Variants in ABCB1 observed in about 807,000 individuals in gnomAD.
ABCB1 encodes the protein ATP binding cassette subfamily B member 1, also known as ATP-dependent translocase ABCB1.
Under a neutral mutation model 142.0 loss-of-function variants are expected in ABCB1, and 69 were observed. The ratio of observed to expected loss-of-function variants is 0.49; its 90% CI spans 0.40 to 0.59. ABCB1 has a LOEUF of 0.59. Among genes scored for constraint, ABCB1 ranks in the 20% least tolerant of loss-of-function variants. ABCB1 has a pLI of 0.00. For synonymous variants in ABCB1, 532 were observed against 539.2 expected, an observed-to-expected ratio of 0.99 and a Z score of 0.18; for missense variants, 1,326 against 1,554.7, an observed-to-expected ratio of 0.85 and a Z score of 2.47.
chr7:87,693,982 C>T (rs1281658516), intron 1 of ABCB1: 1 of 1,611,144 alleles, frequency 6.2e-7, no homozygotes, highest in Non-Finnish European at 8.5e-7. Context: ...GTGATGTCTC[C>T]CGCCACTGAG....
At chr7:87,659,140 C>G (rs188446121) in intron 1 of ABCB1, 1 of 371,664 alleles carries the variant, frequency 2.7e-6, no homozygotes, top group Non-Finnish European at 5.2e-6. Context: ...CTAGCCTGGG[C>G]AATAGAATGA....
intron 1 of ABCB1, among the ~76,000 whole-genome samples, chr7:87,680,120 TG>T (rs1826782554): frequency 6.7e-6 from 1 of 150,308 alleles, no homozygotes; most frequent in African/African-American, 2.5e-5. Flanking sequence ...AGTGAGAACA[TG>T]CAGTGTTTGG....
At chr7:87,660,575 CTGTTT>C (rs1403809275) in intron 1 of ABCB1, among the ~76,000 whole-genome samples, 1 of 151,646 alleles carries the variant, frequency 6.6e-6, no homozygotes, top group Non-Finnish European at 1.5e-5. Context: ...AGAGATTTGT[CTGTTT>C]TATTAGTCTT....
intron 1 of ABCB1, among the ~76,000 whole-genome samples, chr7:87,685,695 A>G (rs1827390939): frequency 6.6e-6 from 1 of 152,172 alleles, no homozygotes; most frequent in African/African-American, 2.4e-5. Context: ...GGGGTTGACA[A>G]GCATCATGAT....
intron 4 of ABCB1, among the ~76,000 whole-genome samples, chr7:87,574,477 G>T (rs569939031): frequency 6.6e-6 from 1 of 152,238 alleles, no homozygotes; most frequent in South Asian, 2.1e-4. Context: ...CTTGGATTCT[G>T]GAATAATAGT....
intron 3 of ABCB1, among the ~76,000 whole-genome samples, chr7:87,588,689 A>G (rs1818862724): frequency 1.3e-5 from 2 of 152,222 alleles, no homozygotes; most frequent in African/African-American, 2.4e-5. Flanking sequence ...TCCTTTGGGT[A>G]TACACCCAGT....
intron 21 of ABCB1, among the ~76,000 whole-genome samples, chr7:87,523,010 G>A (rs1815589548): frequency 6.6e-6 from 1 of 152,080 alleles, no homozygotes; most frequent in South Asian, 2.1e-4. Flanking sequence ...AAAAATAGTG[G>A]TGAGATAAAC....
intron 1 of ABCB1, among the ~76,000 whole-genome samples, chr7:87,658,786 C>T (rs1165451519): frequency 1.3e-5 from 2 of 152,096 alleles, no homozygotes; most frequent in Non-Finnish European, 2.9e-5. Context: ...ATGAAGGAAA[C>T]ATTAAGACCT....
chr7:87,664,416 C>T (rs993237602), intron 1 of ABCB1, among the ~76,000 whole-genome samples: 1 of 152,062 alleles, frequency 6.6e-6, no homozygotes, highest in African/African-American at 2.4e-5. Flanking sequence ...GATCAATTCT[C>T]AAAGGAATAC....
intron 1 of ABCB1, among the ~76,000 whole-genome samples, chr7:87,676,735 A>G (rs1204941296): frequency 1.3e-5 from 2 of 150,870 alleles, no homozygotes; most frequent in Admixed American, 6.6e-5. Context: ...AAAAAGATAA[A>G]TGCCTTTACC....
At chr7:87,619,312 G>T (rs1820136595) in intron 1 of ABCB1, among the ~76,000 whole-genome samples, 1 of 152,082 alleles carries the variant, frequency 6.6e-6, no homozygotes, top group African/African-American at 2.4e-5. Flanking sequence ...GGCCAAGTGG[G>T]CAGATCACTT....
chr7:87,521,637 G>A (rs964671329), intron 21 of ABCB1: 20 of 795,416 alleles, frequency 2.5e-5, no homozygotes, highest in Non-Finnish European at 3.8e-5. Context: ...GGGACTTTGG[G>A]TTTGTCACAT....
At chr7:87,709,181 G>T (rs1036625048) in intron 1 of ABCB1, 5 of 883,712 alleles carry the variant, frequency 5.7e-6, no homozygotes, top group African/African-American at 3.6e-5. Context: ...GTTTTGTATG[G>T]ATTGAAATTA....
chr7:87,636,501 T>C (rs1821793123), intron 1 of ABCB1, among the ~76,000 whole-genome samples: 1 of 152,186 alleles, frequency 6.6e-6, no homozygotes, highest in Non-Finnish European at 1.5e-5. Flanking sequence ...TGCAAATGTC[T>C]TCCATTTGGT....
At chr7:87,570,285 T>C (rs901720810) in intron 4 of ABCB1, 62 bp from the exon 5 acceptor site, 6 of 1,456,348 alleles carry the variant, frequency 4.1e-6, no homozygotes, top group Non-Finnish European at 4.8e-6. Context: ...AAAATAAACA[T>C]GTAAAAATGA....
At position 87,504,405 on chromosome 7, in the gene ABCB1, G is replaced by A. The variant is rs1237962780; in HGVS notation, c.3681C>T (p.Cys1227=). The change falls in exon 28 of 28, where the codon TGC becomes TGT. Residue 1227 remains cysteine, a synonymous_variant. Coordinates refer to ENST00000622132, the MANE Select transcript of ABCB1 (RefSeq NM_001348946.2). ...ALDKAREGRT[C]IVIAHRLSTI... The stretch of plus-strand genomic sequence containing the variant: ...TGGACAGGCGGTGAGCAATCACAAT[G>A]CAGGTGCGGCCTTCTCTGGCTTTGT... The A allele has an allele frequency of 5.0e-6, 8 of 1,613,990 alleles. No homozygotes were observed. Among genetic ancestry groups the A allele is most frequent in the Non-Finnish European group, 6.8e-6 (8 of 1,179,988 alleles).
At chr7:87,603,163 T>A (rs1819524429), upstream of ABCB1, 1 of 152,340 alleles carries the variant, frequency 6.6e-6, no homozygotes, top group East Asian at 1.9e-4. Context: ...TAATATATAA[T>A]GATAATAATA....
At chr7:87,520,404 A>G (rs901558864) in intron 22 of ABCB1, among the ~76,000 whole-genome samples, 3 of 152,142 alleles carry the variant, frequency 2.0e-5, no homozygotes, top group African/African-American at 7.2e-5. Context: ...AGACAGGTAA[A>G]CCCAGGAAGC....
At position 87,689,203 on chromosome 7, in the gene ABCB1, AAG is replaced by A. The variant is rs1827774450; in HGVS notation, c.-331+23956_-331+23957del. On this transcript the variant is annotated intron_variant, in intron 1 of 28. Coordinates refer to the ABCB1 transcript ENST00000265724. ...TTTTTTTGAATGTCTTCTTTATAAT[AAG>A]AGAGTTAAAGAAATGTTTTAGTCTA... is the stretch of plus-strand genomic sequence containing the variant. Among the ~76,000 whole-genome samples the A allele has an allele frequency of 2.0e-5, 3 of 152,092 alleles. No homozygotes were observed. In the South Asian group the frequency reaches 6.2e-4, roughly 32 times the overall value.
Sources: gnomAD v4.1 joint callset for allele counts (sites outside exome capture counted in the v4.1 genomes callset) on GRCh38, gnomAD v4.1.1 for gene constraint, MANE v1.5 for transcripts, NCBI Gene and HGNC (gene_info 2026-07-23, HGNC 2026-07-21) for gene names.